Variants in MYOCD observed in about 807,000 individuals in gnomAD.
MYOCD encodes myocardin.
MYOCD carries 32 observed loss-of-function variants against 96.1 expected under a neutral mutation model. The ratio of observed to expected loss-of-function variants is 0.33; its 90% CI spans 0.25 to 0.45. MYOCD has a LOEUF of 0.45. Among genes scored for constraint, MYOCD ranks in the 20% least tolerant of loss-of-function variants. The pLI is 1.00. For synonymous variants in MYOCD, 469 were observed against 469.0 expected (o/e 1.00, Z 0.00); for missense variants, 1,133 against 1,200.6 (o/e 0.94, Z 0.83).
At position 12,763,785 on chromosome 17, in the gene MYOCD, G is replaced by C; in HGVS notation, c.*141G>C. ...CAATGATTTCTGTGCCAATGAACAA[G>C]AACAAAAGTCATTTTTAGAAATACA... On this transcript the variant is annotated 3_prime_UTR_variant, in exon 14 of 14. Coordinates refer to ENST00000425538, the MANE Select transcript of MYOCD (RefSeq NM_001146312.3). 1.3e-6 allele frequency: 1 copy of C among 753,350 alleles called. No homozygotes were observed. The highest frequency in any genetic ancestry group is 2.0e-6 in the Non-Finnish European group (1 of 490,932). The allele number at this position is 753,350 out of a possible 1,614,324, so 46.7% of individuals were successfully genotyped here. A position where few individuals can be genotyped will look rare whatever the true frequency, so the allele number is the denominator to read the frequency against.
At chr17:12,677,046 A>G (rs1402422389) in intron 1 of MYOCD, among the ~76,000 whole-genome samples, 2 of 152,220 alleles carry the variant, frequency 1.3e-5, no homozygotes, top group African/African-American at 4.8e-5. Context: ...AATATTAATT[A>G]TACTTTAATT....
Position 12,752,451 on chromosome 17 carries a change from T to C in MYOCD, c.1163T>C (p.Leu388Ser). 1 of 1,613,852 alleles carries C rather than the reference T, an allele frequency of 6.2e-7. No individual in the cohort carries two copies. The highest frequency in any genetic ancestry group is 8.5e-7 in the Non-Finnish European group (1 of 1,179,888). Residue 388 changes from leucine (L) to serine (S), a missense_variant, in exon 10 of 14, where the codon TTG becomes TCG. Transcript: ENST00000425538. ...ELRQQLRIRG[L>S]PVSGTKTALM... ...AGACAACAGCTTCGAATTCGGGGCT[T>C]GCCTGTGTCAGGCACCAAAACGGCT... is the stretch of plus-strand genomic sequence containing the variant.
chr17:12,686,058 G>C (rs1313306240), intron 1 of MYOCD, among the ~76,000 whole-genome samples: 1 of 152,208 alleles, frequency 6.6e-6, no homozygotes, highest in Non-Finnish European at 1.5e-5. Flanking sequence ...GGTGAGATAT[G>C]CTTTACAATC....
At chr17:12,743,367 C>A (rs2032567406) in intron 7 of MYOCD, among the ~76,000 whole-genome samples, 1 of 151,752 alleles carries the variant, frequency 6.6e-6, no homozygotes, top group Non-Finnish European at 1.5e-5. Flanking sequence ...CTCAAAGCAA[C>A]AAATAACCAC....
At chr17:12,709,979 A>G (rs550775043) in intron 2 of MYOCD, among the ~76,000 whole-genome samples, 1 of 152,242 alleles carries the variant, frequency 6.6e-6, no homozygotes. Flanking sequence ...TAAACTGGTC[A>G]TAGAGCATTT....
At chr17:12,705,711 T>C (rs2150674349) in intron 2 of MYOCD, 1 of 152,364 alleles carries the variant, frequency 6.6e-6, no homozygotes, top group Middle Eastern at 3.4e-3. Flanking sequence ...TTGTATCTTT[T>C]AGAAGATATA....
chr17:12,754,519 A>T (rs1362518429), intron 10 of MYOCD, among the ~76,000 whole-genome samples: 5 of 152,242 alleles, frequency 3.3e-5, no homozygotes, highest in Non-Finnish European at 7.3e-5. Flanking sequence ...GAGAAATAGC[A>T]CTTGCAGGGG....
chr17:12,768,533 T>G lies in MYOCD; in HGVS notation c.*4889T>G, dbSNP rs142382015. On this transcript the variant is annotated 3_prime_UTR_variant, in exon 14 of 14. Coordinates refer to ENST00000425538, the MANE Select transcript of MYOCD (RefSeq NM_001146312.3). ...GGAGCATGCATTTCCTAGAAGTGGT[T>G]TCATAGCTCCTGTGTGTTCATGGAA... 6.6e-6 allele frequency: 1 copy of G among 152,148 alleles called. No homozygotes were observed. The highest frequency in any genetic ancestry group is 2.4e-5 in the African/African-American group (1 of 41,434). 9.4% of individuals were successfully genotyped at this position (152,148 alleles called of 1,614,324 possible). A position where few individuals can be genotyped will look rare whatever the true frequency, so the allele number is the denominator to read the frequency against.
At chr17:12,752,373 TGTC>T (rs754480882) in intron 9 of MYOCD, 38 bp from the exon 10 acceptor site, 2 of 1,500,108 alleles carry the variant, frequency 1.3e-6, no homozygotes, top group East Asian at 4.5e-5. Flanking sequence ...TTAAAAATAT[TGTC>T]GTTAAACAGC....
At chr17:12,749,655 A>G (rs1156510000) in intron 9 of MYOCD, among the ~76,000 whole-genome samples, 1 of 147,914 alleles carries the variant, frequency 6.8e-6, no homozygotes, top group Non-Finnish European at 1.5e-5. Flanking sequence ...ATACACACGT[A>G]TATATACACA....
chr17:12,693,620 AAATAG>A (rs1386643158), intron 1 of MYOCD, among the ~76,000 whole-genome samples: 4 of 127,970 alleles, frequency 3.1e-5, no homozygotes, highest in East Asian at 2.3e-4. Flanking sequence ...AAAAAAAATA[AAATAG>A]AATAAAATAA....
intron 5 of MYOCD, among the ~76,000 whole-genome samples, chr17:12,731,104 C>T (rs78140946): frequency 2.2e-3 from 330 of 152,286 alleles, no homozygotes; most frequent in Middle Eastern, 0.017. Flanking sequence ...ATCACAGCCC[C>T]GACGCGTCTG....
intron 1 of MYOCD, among the ~76,000 whole-genome samples, chr17:12,703,860 C>A (rs1447466947): frequency 6.6e-6 from 1 of 151,714 alleles, no homozygotes; most frequent in Non-Finnish European, 1.5e-5. Flanking sequence ...ATTTTTTATT[C>A]CAAATATTGT....
chr17:12,749,067 G>A (rs539981608), intron 9 of MYOCD, among the ~76,000 whole-genome samples: 8 of 151,880 alleles, frequency 5.3e-5, no homozygotes, highest in African/African-American at 1.9e-4. Flanking sequence ...AAAAAATTAC[G>A]TGCACATAAA....
At chr17:12,694,542 A>T (rs2030642555) in intron 1 of MYOCD, among the ~76,000 whole-genome samples, 1 of 152,102 alleles carries the variant, frequency 6.6e-6, no homozygotes, top group South Asian at 2.1e-4. Context: ...TTAGACCCTG[A>T]CCCAGCAGCC....
rs565383413 is a variant in MYOCD, at chr17:12,692,842, A to C, written c.56-12286A>C. Reference sequence around the variant, plus strand: ...CCTCAATTTCCAAGAGCCCTGGCCCACCTATCTGTACATAGCAATAACCTT... The same window carrying C: ...CCTCAATTTCCAAGAGCCCTGGCCCCCCTATCTGTACATAGCAATAACCTT... On this transcript the variant is annotated intron_variant, in intron 1 of 13. Coordinates refer to ENST00000425538, the MANE Select transcript of MYOCD (RefSeq NM_001146312.3). 3.3e-5 allele frequency among the ~76,000 whole-genome samples: 5 copies of C among 152,216 alleles called. No homozygotes were observed. The East Asian group carries it at 9.6e-4, about 29-fold the overall frequency.
chr17:12,688,616 CCTTCCTTCTTTCCGTCTT>C (rs1044870063), intron 1 of MYOCD, among the ~76,000 whole-genome samples: 2 of 149,794 alleles, frequency 1.3e-5, no homozygotes, highest in Non-Finnish European at 3.0e-5. Flanking sequence ...CCTTCCCTCT[CCTTCCTTCTTTCCGTCTT>C]CTTCCTTCCA....
rs747924308 is a variant in MYOCD, at chr17:12,744,458, G to T, written c.971+22G>T. The T allele has an allele frequency of 1.0e-5, 16 of 1,583,244 alleles. No individual in the cohort carries two copies. In the Admixed American group the frequency reaches 2.9e-4, roughly 29 times the overall value. ...TTAAGTAAGTCCGGCAAGGCTGGGA[G>T]GGTGGCTGTGGGCAGAGGTTGGGAA... On this transcript the variant is annotated intron_variant, in intron 8 of 13. Transcript: ENST00000425538.
At chr17:12,750,524 A>G (rs1412875451) in intron 9 of MYOCD, among the ~76,000 whole-genome samples, 1 of 152,062 alleles carries the variant, frequency 6.6e-6, no homozygotes, top group Non-Finnish European at 1.5e-5. Flanking sequence ...CCCCGTCTCT[A>G]CTTAAAATAC....
Sources: gnomAD v4.1 joint callset for allele counts (sites outside exome capture counted in the v4.1 genomes callset) on GRCh38, gnomAD v4.1.1 for gene constraint, MANE v1.5 for transcripts, NCBI Gene and HGNC (gene_info 2026-07-23, HGNC 2026-07-21) for gene names.